MLKL: variants seen among roughly 807,000 people sequenced by gnomAD.
MLKL encodes the protein mixed lineage kinase domain like pseudokinase.
Under a neutral mutation model 56.5 loss-of-function variants are expected in MLKL, and 55 were observed. The observed-to-expected ratio is 0.97, with a 90% CI of 0.78 to 1.22. MLKL has a LOEUF of 1.22. Among genes scored for constraint, MLKL ranks in the 50% most tolerant of loss-of-function variants. The pLI, the probability that MLKL is intolerant of heterozygous loss-of-function variation, is 0.00. For missense variants in MLKL, 694 were observed against 573.9 expected (o/e 1.21, Z -2.14); for synonymous variants, 251 against 208.3 (o/e 1.20, Z -1.76).
rs1444806091 is a variant in MLKL at position 74,691,337 on chromosome 16, T to G, written c.662A>C (p.Glu221Ala). ...TATGGCCACTGGAGCTCTGTGGTATTCTCCTTTATAAAGTGTGCTGACTTC... is the reference window on the plus strand; with the variant it reads ...TATGGCCACTGGAGCTCTGTGGTATGCTCCTTTATAAAGTGTGCTGACTTC... Reference protein sequence around the residue: ...ENEVSTLYKGEYHRAPVAIKV... With the variant: ...ENEVSTLYKGAYHRAPVAIKV... Residue 221 changes from glutamate (E) to alanine (A), a missense_variant, in exon 4 of 11, where the codon GAA (glutamate) becomes GCA (alanine). Physicochemically the swap from Glu to Ala is moderately radical, Grantham distance 107. Transcript: ENST00000308807. 1 of 1,613,764 alleles carries G rather than the reference T, an allele frequency of 6.2e-7. No homozygotes were observed. Among genetic ancestry groups the G allele is most frequent in the Non-Finnish European group, 8.5e-7 (1 of 1,179,942 alleles).
rs1960979606 is a variant in MLKL, at chr16:74,695,559, C to T, written c.199G>A (p.Ala67Thr). 6.2e-7 allele frequency: 1 copy of T among 1,614,210 alleles called. No individual in the cohort carries two copies. The highest frequency in any genetic ancestry group is 8.5e-7 in the Non-Finnish European group (1 of 1,180,046). ...KLTTAMNRFK[A>T]ALEEANGEIE... The stretch of plus-strand genomic sequence containing the variant: ...TCCCCATTAGCCTCCTCCAGGGCAG[C>T]CTTGAAGCGGTTCATGGCTGTGGTT... Residue 67 changes from alanine (A) to threonine (T), a missense_variant, in exon 2 of 11, where the codon GCT becomes ACT. Ala to Thr is a moderately conservative substitution (Grantham distance 58). Coordinates refer to ENST00000308807, the MANE Select transcript of MLKL (RefSeq NM_152649.4).
intron 9 of MLKL, 85 bp from the exon 10 acceptor site, chr16:74,675,185 G>A: frequency 6.4e-7 from 1 of 1,571,342 alleles, no homozygotes; most frequent in South Asian, 1.2e-5. Context: ...ATCAGAACTA[G>A]GGACTCTGAG....
At chr16:74,681,488 G>C (rs893653439) in intron 6 of MLKL, among the ~76,000 whole-genome samples, 1 of 151,936 alleles carries the variant, frequency 6.6e-6, no homozygotes, top group African/African-American at 2.4e-5. Context: ...AATAGGTAGA[G>C]TTGCCAAATA....
At chr16:74,690,781 CAAAAAAAAAAAAAAAAA>C (rs58597472) in intron 4 of MLKL, among the ~76,000 whole-genome samples, 6 of 49,934 alleles carry the variant, frequency 1.2e-4, no homozygotes, top group South Asian at 1.2e-3. Context: ...GACCTTGTCT[CAAAAAAAAAAAAAAAAA>C]AAAAAAAAAA....
chr16:74,700,849 A>G lies in MLKL; in HGVS notation c.-399T>C, dbSNP rs1037663633. On this transcript the variant is annotated 5_prime_UTR_variant, in exon 1 of 11. Coordinates refer to ENST00000308807, the MANE Select transcript of MLKL (RefSeq NM_152649.4). ...CCCTCCGACGTGGCTCCAGCTGCCA[A>G]CCACCAGGCTCACGGTGCCCTGGCT... 1 of 151,648 alleles carries G rather than the reference A, an allele frequency of 6.6e-6. No homozygotes were observed. Among genetic ancestry groups the G allele is most frequent in the African/African-American group, 2.4e-5 (1 of 41,308 alleles). 9.4% of individuals were successfully genotyped at this position (151,648 alleles called of 1,614,324 possible).
chr16:74,675,477 A>G, intron 8 of MLKL, 73 bp from the exon 9 acceptor site: 3 of 1,582,986 alleles, frequency 1.9e-6, no homozygotes, highest in Non-Finnish European at 1.7e-6. Context: ...CCACTGCCAG[A>G]AAACTCAGTG....
intron 4 of MLKL, among the ~76,000 whole-genome samples, chr16:74,687,759 T>G (rs539443104): frequency 6.6e-6 from 1 of 152,066 alleles, no homozygotes; most frequent in African/African-American, 2.4e-5. Flanking sequence ...ATACCTGCCT[T>G]CTGGGTTCAA....
At position 74,700,647 on chromosome 16, in the gene MLKL, A is replaced by T. The variant is rs1961332354; in HGVS notation, c.-197T>A. 1 of 152,388 alleles carries T rather than the reference A, an allele frequency of 6.6e-6. No homozygotes were observed. Among genetic ancestry groups the T allele is most frequent in the Non-Finnish European group, 1.5e-5 (1 of 68,180 alleles). The allele number at this position is 152,388 out of a possible 1,614,324, so 9.4% of individuals were successfully genotyped here. A position where few individuals can be genotyped will look rare whatever the true frequency, so the allele number is the denominator to read the frequency against. ...CTCTGCTGACTGTACCGGACGCCACACGTGGCTGGCGGCGACAAGGCGCCC... is the reference window on the plus strand; with the variant it reads ...CTCTGCTGACTGTACCGGACGCCACTCGTGGCTGGCGGCGACAAGGCGCCC... On this transcript the variant is annotated 5_prime_UTR_variant, in exon 1 of 11. Transcript: ENST00000308807.
intron 10 of MLKL, among the ~76,000 whole-genome samples, chr16:74,674,559 C>T (rs1336183325): frequency 6.6e-6 from 1 of 151,964 alleles, no homozygotes; most frequent in Non-Finnish European, 1.5e-5. Flanking sequence ...TCAAGAGATT[C>T]TCATGCCTCA....
intron 5 of MLKL, among the ~76,000 whole-genome samples, chr16:74,683,938 T>C (rs979291307): frequency 6.6e-6 from 1 of 151,946 alleles, no homozygotes; most frequent in African/African-American, 2.4e-5. Context: ...TGAACATTTG[T>C]CTTTATTTTT....
chr16:74,687,334 C>T (rs74638582), intron 4 of MLKL, among the ~76,000 whole-genome samples: 1,540 of 152,036 alleles, frequency 0.01, 33 homozygotes, highest in African/African-American at 0.036. Flanking sequence ...AATAGGAAGA[C>T]TTTATACCAT....
rs1597505759 is a variant in MLKL at position 74,691,271 on chromosome 16, A to G, written c.722+6T>C. 1 of 1,606,978 alleles carries G rather than the reference A, an allele frequency of 6.2e-7. No homozygotes were observed. Among genetic ancestry groups the G allele is most frequent in the Non-Finnish European group, 8.5e-7 (1 of 1,176,854 alleles). On this transcript the variant is annotated splice_donor_region_variant and intron_variant, in intron 4 of 10. Transcript: ENST00000308807. ...ACACACGAGAGAACCACACAAAACA[A>G]CTTACGCAATGCTGCCAGCCTGGAG... is the stretch of plus-strand genomic sequence containing the variant.
chr16:74,684,307 A>G (rs1334497781), intron 5 of MLKL, among the ~76,000 whole-genome samples: 1 of 151,624 alleles, frequency 6.6e-6, no homozygotes, highest in Non-Finnish European at 1.5e-5. Context: ...GAGGCTGTGG[A>G]GCAACTTCCA....
chr16:74,675,228 C>T, intron 9 of MLKL, 127 bp downstream of exon 9: 1 of 1,554,660 alleles, frequency 6.4e-7, no homozygotes, highest in Non-Finnish European at 8.8e-7. Flanking sequence ...AACGATTCCA[C>T]TGACCAGCCC....
At chr16:74,682,524 T>C (rs1960038274) in intron 6 of MLKL, 127 bp downstream of exon 6, 11 of 1,303,866 alleles carry the variant, frequency 8.4e-6, no homozygotes, top group East Asian at 2.4e-5. Flanking sequence ...TCAGAGTAAA[T>C]AGTAAAACAG....
Position 74,685,574 on chromosome 16 carries a change from C to T in MLKL, c.732G>A (p.Arg244=), listed in dbSNP as rs967924476. The stretch of plus-strand genomic sequence containing the variant: ...TTTTGATCTCCTTATTGAAAGTCTG[C>T]CTCACTATTCTATAAGGATTAAAGA... The part of the protein sequence containing the change: ...KLQAGSIAIV[R]QTFNKEIKTM... The change falls in exon 5 of 11, where the codon AGG becomes AGA. Residue 244 remains arginine (R), a synonymous_variant. Coordinates refer to ENST00000308807, the MANE Select transcript of MLKL (RefSeq NM_152649.4). The T allele has an allele frequency of 1.2e-6, 2 of 1,611,534 alleles. No individual in the cohort carries two copies. Among genetic ancestry groups the T allele is most frequent in the Admixed American group, 1.7e-5 (1 of 59,980 alleles).
rs878885887 is a variant in MLKL at position 74,675,383 on chromosome 16, T to A, written c.1212A>T (p.Glu404Asp). Residue 404 changes from glutamate to aspartate, a missense_variant, in exon 9 of 11, where the codon GAA becomes GAT. Transcript: ENST00000308807. ...GAAACGGGATATCTCCAGTGGCGATTTCCCAGAGGACGATTCCAAAGCTAA... is the reference window on the plus strand; with the variant it reads ...GAAACGGGATATCTCCAGTGGCGATATCCCAGAGGACGATTCCAAAGCTAA... Reference protein sequence around the residue: ...EIYSFGIVLWEIATGDIPFQG... With the variant: ...EIYSFGIVLWDIATGDIPFQG... 1 of 1,614,148 alleles carries A rather than the reference T, an allele frequency of 6.2e-7. No homozygotes were observed. The highest frequency in any genetic ancestry group is 1.1e-5 in the South Asian group (1 of 91,084).
At chr16:74,690,222 A>G (rs922283780) in intron 4 of MLKL, among the ~76,000 whole-genome samples, 2 of 152,268 alleles carry the variant, frequency 1.3e-5, no homozygotes, top group African/African-American at 4.8e-5. Context: ...CAAGATATTG[A>G]TCACTTTATA....
intron 1 of MLKL, among the ~76,000 whole-genome samples, chr16:74,697,696 G>C (rs1183615818): frequency 6.6e-6 from 1 of 152,070 alleles, no homozygotes; most frequent in African/African-American, 2.4e-5. Context: ...GCTGGGACCT[G>C]TAGTCCCAGC....
Sources: allele counts gnomAD v4.1 joint callset (sites outside exome capture counted in the v4.1 genomes callset), GRCh38; gene constraint gnomAD v4.1.1; transcripts MANE v1.5; gene names NCBI Gene and HGNC (gene_info 2026-07-23, HGNC 2026-07-21).